The following SYNE2 variants were observed in gnomAD, a reference collection of about 807,000 sequenced individuals.
SYNE2 encodes nesprin-2.
Under a neutral mutation model 856.3 loss-of-function variants are expected in SYNE2, and 431 were observed. The observed-to-expected ratio is 0.50, with a 90% CI of 0.47 to 0.55. SYNE2 has a LOEUF of 0.55. Ranked by LOEUF, SYNE2 falls within the 20% of genes least tolerant of loss-of-function variation. SYNE2 has a pLI of 0.00. For missense variants in SYNE2, 8,129 were observed against 8,023.2 expected, an observed-to-expected ratio of 1.01 and a Z score of -0.50; for synonymous variants, 2,923 against 2,872.3, an observed-to-expected ratio of 1.02 and a Z score of -0.56.
chr14:63,948,248 GA>G (rs1444557997), intron 6 of SYNE2, among the ~76,000 whole-genome samples: 3 of 151,288 alleles, frequency 2.0e-5, no homozygotes, highest in African/African-American at 4.9e-5. Context: ...AAACATTTTA[GA>G]AAAAAATTGA....
chr14:63,879,053 A>T (rs2094795737), intron 1 of SYNE2, among the ~76,000 whole-genome samples: 1 of 152,032 alleles, frequency 6.6e-6, no homozygotes, highest in East Asian at 1.9e-4. Context: ...TACCAAAAAA[A>T]GCTCAGTTGG....
chr14:64,223,516 C>CT lies in SYNE2; in HGVS notation c.20382+141dup, dbSNP rs1329531414. ...TCCGAGTGGGGCCTCATGTCGTGCC[C>CT]TTTTTCTAGCTGTGTGGACTTAAAG... On this transcript the variant is annotated intron_variant, in intron 113 of 115. Transcript: ENST00000555002. 10 of 856,858 alleles carry CT rather than the reference C, an allele frequency of 1.2e-5. No individual in the cohort carries two copies. In the East Asian group the frequency reaches 1.9e-4, roughly 16 times the overall value. 53.1% of individuals were successfully genotyped at this position (856,858 alleles called of 1,614,324 possible). A position where few individuals can be genotyped will look rare whatever the true frequency, so the allele number is the denominator to read the frequency against.
chr14:64,208,829 G>A lies in SYNE2; in HGVS notation c.18273G>A (p.Leu6091=), dbSNP rs1051308118. 2.8e-5 allele frequency: 45 copies of A among 1,614,106 alleles called. No individual in the cohort carries two copies. The highest frequency in any genetic ancestry group is 3.4e-5 in the Non-Finnish European group (40 of 1,180,050). ...ESVFNICDVL[L]HDSDACANET... ...TGTTTAACATCTGTGACGTCCTACT[G>A]CACGACTCCGATGCCTGTGCAAATG... The change falls in exon 101 of 116, where the codon CTG becomes CTA. Residue 6091 remains leucine (L), a synonymous_variant. Coordinates refer to ENST00000555002, the MANE Select transcript of SYNE2 (RefSeq NM_182914.3).
Position 63,998,341 on chromosome 14 carries a change from T to A in SYNE2, c.3353+13T>A, listed in dbSNP as rs1567009583. The A allele has an allele frequency of 6.5e-7, 1 of 1,541,258 alleles. No homozygotes were observed. The highest frequency in any genetic ancestry group is 9.0e-7 in the Non-Finnish European group (1 of 1,113,816). ...GTTTACTAGAGAGGTAAACTCTTTT[T>A]AAAAACAACTGGAAAATCCACCAGA... On this transcript the variant is annotated intron_variant, in intron 26 of 115. Transcript: ENST00000555002.
At chr14:64,190,264 T>C (rs776359430) in intron 99 of SYNE2, 27 bp downstream of exon 99, 1 of 1,613,598 alleles carries the variant, frequency 6.2e-7, no homozygotes, top group African/African-American at 1.3e-5. Context: ...AAATGATTAC[T>C]CTCCAGGAAC....
At chr14:63,987,074 A>C (rs2096631733) in intron 19 of SYNE2, among the ~76,000 whole-genome samples, 1 of 152,292 alleles carries the variant, frequency 6.6e-6, no homozygotes. Flanking sequence ...CAATATGGTG[A>C]AATCCCGTCT....
intron 1 of SYNE2, among the ~76,000 whole-genome samples, chr14:63,798,384 G>A: frequency 7.8e-6 from 1 of 127,468 alleles, no homozygotes; most frequent in Middle Eastern, 3.9e-3. Flanking sequence ...ACCTTAACTT[G>A]TTTTTTTTTT....
chr14:64,071,398 G>A (rs950800360), intron 52 of SYNE2, among the ~76,000 whole-genome samples: 1 of 152,102 alleles, frequency 6.6e-6, no homozygotes, highest in Non-Finnish European at 1.5e-5. Context: ...GGAGGCTGAG[G>A]CAGGAGAATG....
At chr14:63,991,174 G>C in intron 21 of SYNE2, 59 bp downstream of exon 21, 1 of 1,515,860 alleles carries the variant, frequency 6.6e-7, no homozygotes, top group Non-Finnish European at 9.1e-7. Context: ...TATCTTGTTT[G>C]AAATCAAGAT....
At chr14:64,167,467 GGGTGT>G (rs1222702188) in intron 91 of SYNE2, 23 bp from the exon 92 acceptor site, 1 of 1,614,186 alleles carries the variant, frequency 6.2e-7, no homozygotes, top group South Asian at 1.1e-5. Flanking sequence ...TTGTTAACAT[GGGTGT>G]GTTTTGTTTT....
chr14:64,106,648 C>CA lies in SYNE2; in HGVS notation c.12493-834dup, dbSNP rs1051157087. Among the ~76,000 whole-genome samples the CA allele has an allele frequency of 1.4e-3, 218 of 150,902 alleles. 1 individual carries two copies. Among genetic ancestry groups the CA allele is most frequent in the African/African-American group, 4.9e-3 (203 of 41,244 alleles). ...TGGGCGACAGAGCGAGACTCCGTCT[C>CA]AAAAAAAAATATTAACACTATGTGT... On this transcript the variant is annotated intron_variant, in intron 64 of 115. Transcript: ENST00000555002.
At chr14:64,079,659 C>A (rs899275582) in intron 55 of SYNE2, among the ~76,000 whole-genome samples, 1 of 152,196 alleles carries the variant, frequency 6.6e-6, no homozygotes, top group African/African-American at 2.4e-5. Flanking sequence ...ATACATGTTT[C>A]TAGAGCTTTC....
At chr14:64,204,600 A>G (rs995054059) in intron 100 of SYNE2, among the ~76,000 whole-genome samples, 11 of 152,154 alleles carry the variant, frequency 7.2e-5, no homozygotes, top group African/African-American at 2.4e-4. Flanking sequence ...CCATCCTACA[A>G]TGGCACATAA....
intron 106 of SYNE2, 137 bp downstream of exon 106, chr14:64,214,607 A>G (rs1253074584): frequency 1.3e-6 from 1 of 794,388 alleles, no homozygotes; most frequent in Admixed American, 2.4e-5. Context: ...CCTGTGCTCT[A>G]TCCTGCCCAT....
rs1360384588 is a variant in SYNE2 at position 64,225,039 on chromosome 14, A to G, written c.20510A>G (p.Glu6837Gly). Residue 6837 changes from glutamate (E) to glycine (G), a missense_variant, in exon 115 of 116, where the codon GAG becomes GGG. This residue lies in a region of SYNE2 where 5,410 missense variants were observed against 5,284.8 expected (regional missense o/e 1.02). Coordinates refer to ENST00000555002, the MANE Select transcript of SYNE2 (RefSeq NM_182914.3). ...ACTACAGAAGGCGAGGAGGAGACAG[A>G]GAGCAGGTAACGGGGCTTTACCGTG... The part of the protein sequence containing the change: ...VRTTEGEEET[E>G]SRVPGSTRPQ... 6.2e-7 allele frequency: 1 copy of G among 1,613,914 alleles called. No homozygotes were observed. The highest frequency in any genetic ancestry group is 1.7e-5 in the Admixed American group (1 of 59,990).
Position 64,220,649 on chromosome 14 carries a change from C to G in SYNE2, c.20061+12C>G, listed in dbSNP as rs759801196. 5.0e-6 allele frequency: 8 copies of G among 1,612,854 alleles called. No homozygotes were observed. The highest frequency in any genetic ancestry group is 1.1e-5 in the South Asian group (1 of 90,958). On this transcript the variant is annotated intron_variant, in intron 111 of 115. Coordinates refer to ENST00000555002, the MANE Select transcript of SYNE2 (RefSeq NM_182914.3). ...TCATGCAGTGCCAGGTACGCTGACT[C>G]AGCAGCCCGCCTCCCAGAGCCGGTA... is the stretch of plus-strand genomic sequence containing the variant.
chr14:64,204,346 C>G (rs1316911802), intron 100 of SYNE2: 1 of 152,164 alleles, frequency 6.6e-6, no homozygotes. Context: ...TTTGAACAGA[C>G]TGTGAAAAGG....
intron 19 of SYNE2, among the ~76,000 whole-genome samples, chr14:63,987,343 A>T (rs1378777547): frequency 2.0e-5 from 3 of 151,938 alleles, no homozygotes; most frequent in African/African-American, 7.3e-5. Flanking sequence ...CAATGCAGGG[A>T]GAGTGACTCA....
chr14:63,954,114 A>G (rs2096208889), intron 7 of SYNE2, among the ~76,000 whole-genome samples: 3 of 152,198 alleles, frequency 2.0e-5, no homozygotes, highest in African/African-American at 7.2e-5. Flanking sequence ...AATAATATTC[A>G]TTGTATGTAT....
Sources: allele counts gnomAD v4.1 joint callset (sites outside exome capture counted in the v4.1 genomes callset), GRCh38; gene constraint gnomAD v4.1.1; regional missense constraint gnomAD v4.1.1; transcripts MANE v1.5; gene names NCBI Gene and HGNC (gene_info 2026-07-23, HGNC 2026-07-21).